Variants in DYNC1I1 observed in about 807,000 individuals in gnomAD.
DYNC1I1 encodes the protein dynein cytoplasmic 1 intermediate chain 1.
Under a neutral mutation model 86.6 loss-of-function variants are expected in DYNC1I1, and 43 were observed. The ratio of observed to expected loss-of-function variants is 0.50; its 90% CI spans 0.39 to 0.64. The LOEUF (loss-of-function observed/expected upper bound fraction) is 0.64, where lower values mean the gene tolerates loss of function less well. Ranked by LOEUF, DYNC1I1 falls within the 30% of genes least tolerant of loss-of-function variation. DYNC1I1 has a pLI of 0.00. For missense variants in DYNC1I1, 604 were observed against 788.8 expected, an observed-to-expected ratio of 0.77 and a Z score of 2.81; for synonymous variants, 262 against 283.7, an observed-to-expected ratio of 0.92 and a Z score of 0.77.
At chr7:95,899,755 A>G (rs1790985555) in intron 6 of DYNC1I1, among the ~76,000 whole-genome samples, 1 of 152,202 alleles carries the variant, frequency 6.6e-6, no homozygotes, top group Non-Finnish European at 1.5e-5. Flanking sequence ...TATTTAAAGC[A>G]CGGAGGGGAA....
At chr7:96,080,222 T>TC (rs572032676) in intron 15 of DYNC1I1, 141 bp from the exon 16 acceptor site, 157 of 1,077,006 alleles carry the variant, frequency 1.5e-4, no homozygotes, top group African/African-American at 1.4e-3. Flanking sequence ...GAGCCCTTTT[T>TC]CCCCCCGGCA....
chr7:96,009,015 A>G (rs1308630194), intron 10 of DYNC1I1, among the ~76,000 whole-genome samples: 1 of 152,158 alleles, frequency 6.6e-6, no homozygotes, highest in Non-Finnish European at 1.5e-5. Flanking sequence ...TCATAACATC[A>G]AATTTGTTTT....
chr7:95,817,582 G>A (rs1794975595), intron 4 of DYNC1I1, among the ~76,000 whole-genome samples: 1 of 152,012 alleles, frequency 6.6e-6, no homozygotes, highest in African/African-American at 2.4e-5. Flanking sequence ...TTTCCTATGG[G>A]AAAAAATCTT....
chr7:96,107,824 C>G (rs569772893), intron 16 of DYNC1I1, among the ~76,000 whole-genome samples: 3 of 151,490 alleles, frequency 2.0e-5, no homozygotes, highest in East Asian at 1.9e-4. Flanking sequence ...CCACGCCCGG[C>G]CTTCTTCATT....
chr7:96,049,659 T>A (rs1789337896), intron 14 of DYNC1I1, among the ~76,000 whole-genome samples: 1 of 152,172 alleles, frequency 6.6e-6, no homozygotes, highest in Admixed American at 6.5e-5. Flanking sequence ...TAGAAAGAAT[T>A]GGTGCTAAGA....
In DYNC1I1 at chr7:96,097,762, C is replaced by A; in HGVS notation, c.*169C>A. On this transcript the variant is annotated 3_prime_UTR_variant, in exon 17 of 17. Coordinates refer to ENST00000447467, the MANE Select transcript of DYNC1I1 (RefSeq NM_001135556.2). Reference sequence around the variant, plus strand: ...AGTATTCTAAATGTGTCCCATCATGCTTTCCACTGACCCAAAATTCACCAC... The same window carrying A: ...AGTATTCTAAATGTGTCCCATCATGATTTCCACTGACCCAAAATTCACCAC... 1 of 1,327,718 alleles carries A rather than the reference C, an allele frequency of 7.5e-7. No homozygotes were observed. The highest frequency in any genetic ancestry group is 1.5e-5 in the African/African-American group (1 of 67,800). The allele number at this position is 1,327,718 out of a possible 1,614,324, so 82.2% of individuals were successfully genotyped here.
At chr7:95,871,470 C>G in intron 6 of DYNC1I1, among the ~76,000 whole-genome samples, 1 of 152,210 alleles carries the variant, frequency 6.6e-6, no homozygotes, top group East Asian at 1.9e-4. Context: ...AACATCCTCA[C>G]CACCCAACCA....
Position 95,835,635 on chromosome 7 carries a change from T to G in DYNC1I1, c.374+7519T>G, listed in dbSNP as rs1052836633. On this transcript the variant is annotated intron_variant, in intron 5 of 16. Transcript: ENST00000447467. ...TCTCTTTGTAGGTCACTCAGGACTT[T>G]CTTTATGAATCTGGGTGCTCCTGTA... Among the ~76,000 whole-genome samples the G allele has an allele frequency of 5.5e-3, 827 of 151,528 alleles. 6 individuals are homozygous for G. Among genetic ancestry groups the G allele is most frequent in the African/African-American group, 0.018 (750 of 40,922 alleles).
intron 5 of DYNC1I1, among the ~76,000 whole-genome samples, chr7:95,831,507 C>T (rs538575917): frequency 6.6e-6 from 1 of 152,146 alleles, no homozygotes; most frequent in South Asian, 2.1e-4. Flanking sequence ...AATTTTATTT[C>T]CTTTAGATAT....
intron 6 of DYNC1I1, among the ~76,000 whole-genome samples, chr7:95,916,959 G>A (rs897364506): frequency 2.0e-5 from 3 of 152,176 alleles, no homozygotes; most frequent in African/African-American, 7.2e-5. Flanking sequence ...CAGGCAATTA[G>A]TGTTTCTTCC....
chr7:96,095,768 G>A (rs1790984693), intron 16 of DYNC1I1, among the ~76,000 whole-genome samples: 1 of 152,002 alleles, frequency 6.6e-6, no homozygotes, highest in East Asian at 1.9e-4. Context: ...GTTTTCGTGA[G>A]CTTGTTTGTA....
At chr7:95,841,655 C>A (rs1183903203) in intron 5 of DYNC1I1, among the ~76,000 whole-genome samples, 1 of 152,156 alleles carries the variant, frequency 6.6e-6, no homozygotes, top group Admixed American at 6.5e-5. Flanking sequence ...GGTTTAGTTT[C>A]TTTGCCAGAG....
chr7:95,786,347 A>G (rs1794146359), intron 1 of DYNC1I1, among the ~76,000 whole-genome samples: 1 of 152,094 alleles, frequency 6.6e-6, no homozygotes, highest in Non-Finnish European at 1.5e-5. Flanking sequence ...TCTGGCTCTC[A>G]CTGCTCCTCC....
intron 14 of DYNC1I1, among the ~76,000 whole-genome samples, chr7:96,064,912 TG>T (rs1789917377): frequency 6.6e-6 from 1 of 151,418 alleles, no homozygotes; most frequent in African/African-American, 2.4e-5. Flanking sequence ...AAATGGACAG[TG>T]GGTGGTCTTA....
intron 16 of DYNC1I1, among the ~76,000 whole-genome samples, chr7:96,096,373 T>C (rs1791005883): frequency 6.6e-6 from 1 of 152,144 alleles, no homozygotes; most frequent in Non-Finnish European, 1.5e-5. Context: ...GTTTATGGAA[T>C]ATGTGGATAG....
Position 95,948,404 on chromosome 7 carries a change from G to A in DYNC1I1, c.491-29108G>A, listed in dbSNP as rs1014667958. Among the ~76,000 whole-genome samples, 7 of 152,094 alleles carry A rather than the reference G, an allele frequency of 4.6e-5. No individual in the cohort carries two copies. In the South Asian group the frequency reaches 1.0e-3, roughly 23 times the overall value. On this transcript the variant is annotated intron_variant, in intron 6 of 16. Transcript: ENST00000447467. The stretch of plus-strand genomic sequence containing the variant: ...GTTGTCCACATTTGTCAGTTTCCTC[G>A]AGTAGACCCATGCTTGTATCTATCA...
intron 4 of DYNC1I1, among the ~76,000 whole-genome samples, chr7:95,814,698 T>G (rs759721250): frequency 6.6e-6 from 1 of 152,154 alleles, no homozygotes; most frequent in South Asian, 2.1e-4. Flanking sequence ...ACTGGAATTA[T>G]GTTACCTATT....
intron 6 of DYNC1I1, among the ~76,000 whole-genome samples, chr7:95,886,838 C>G (rs1584128101): frequency 6.6e-6 from 1 of 152,204 alleles, no homozygotes; most frequent in Non-Finnish European, 1.5e-5. Flanking sequence ...AAGCTGGAAA[C>G]ACTTCCTTGT....
intron 6 of DYNC1I1, among the ~76,000 whole-genome samples, chr7:95,908,778 CA>C (rs940226816): frequency 7.0e-4 from 106 of 152,262 alleles, no homozygotes; most frequent in African/African-American, 2.2e-3. Context: ...GAGTGCTCGG[CA>C]GGGCATCCCC....
Sources: allele counts gnomAD v4.1 joint callset (sites outside exome capture counted in the v4.1 genomes callset), GRCh38; gene constraint gnomAD v4.1.1; transcripts MANE v1.5; gene names NCBI Gene and HGNC (gene_info 2026-07-23, HGNC 2026-07-21).